The following KYAT3 variants were observed in gnomAD, a reference collection of about 807,000 sequenced individuals.
KYAT3 encodes kynurenine aminotransferase 3, also known as kynurenine--oxoglutarate transaminase 3.
A neutral mutation model predicts 59.0 loss-of-function variants in KYAT3; 50 were observed. That is an observed-to-expected ratio of 0.85 (90% CI 0.68 to 1.07). The LOEUF is 1.07. Among genes scored for constraint, KYAT3 ranks in the 50% least tolerant of loss-of-function variants. The probability of loss-of-function intolerance (pLI) is 0.00; values close to 1 mark genes in which losing one functional copy is unlikely to be tolerated. For missense variants in KYAT3, 497 were observed against 533.3 expected (o/e 0.93, Z 0.67); for synonymous variants, 148 against 177.0 (o/e 0.84, Z 1.30).
At chr1:88,953,182 A>C (rs761112298) in intron 9 of KYAT3, 30 bp from the exon 10 acceptor site, 3 of 1,445,236 alleles carry the variant, frequency 2.1e-6, no homozygotes, top group East Asian at 2.3e-5. Context: ...AAGATTTCAG[A>C]AAATCTAATT....
At position 88,968,787 on chromosome 1, in the gene KYAT3, G is replaced by T; in HGVS notation, c.186C>A (p.Asp62Glu). 2 of 1,586,724 alleles carry T rather than the reference G, an allele frequency of 1.3e-6. No individual in the cohort carries two copies. Among genetic ancestry groups the T allele is most frequent in the Non-Finnish European group, 1.7e-6 (2 of 1,172,948 alleles). The change falls in exon 4 of 14, where the codon GAC becomes GAA. Residue 62 changes from aspartate to glutamate, a missense_variant. Asp to Glu is a conservative substitution (Grantham distance 45). This residue lies in a region of KYAT3 where 469 missense variants were observed against 479.1 expected (regional missense o/e 0.98). Transcript: ENST00000260508. ...CTTGGCCAAGATTCACAACAGAAGG[G>T]TCTGCAGCCAATTTGGTAAATTCAA... ...VWIEFTKLAA[D>E]PSVVNLGQGF... is the part of the protein sequence containing the mutation.
chr1:88,990,069 C>T (rs1293195607), intron 1 of KYAT3, among the ~76,000 whole-genome samples: 1 of 152,108 alleles, frequency 6.6e-6, no homozygotes, highest in Non-Finnish European at 1.5e-5. Context: ...TTCCTCAGTC[C>T]AAGCAGATTG....
chr1:88,987,769 C>T (rs952096441), intron 2 of KYAT3, among the ~76,000 whole-genome samples: 3 of 152,156 alleles, frequency 2.0e-5, no homozygotes, highest in Non-Finnish European at 2.9e-5. Context: ...CATTACCACA[C>T]CTCACCAACA....
At chr1:88,952,998 G>T in intron 10 of KYAT3, 65 bp downstream of exon 10, 1 of 955,448 alleles carries the variant, frequency 1.0e-6, no homozygotes, top group Non-Finnish European at 1.7e-6. Context: ...ATTCAAATAT[G>T]CAATATAAAA....
At chr1:88,946,836 A>T (rs1557682741) in intron 11 of KYAT3, among the ~76,000 whole-genome samples, 2 of 152,196 alleles carry the variant, frequency 1.3e-5, no homozygotes, top group Non-Finnish European at 1.5e-5. Flanking sequence ...TTTGCTTGTC[A>T]AAGCCTCTTC....
At chr1:88,981,525 TAATC>T (rs1677089512) in intron 2 of KYAT3, 3 of 156,000 alleles carry the variant, frequency 1.9e-5, no homozygotes, top group South Asian at 4.1e-4. Flanking sequence ...TTATGAGTGT[TAATC>T]AACACTGATG....
downstream of KYAT3, among the ~76,000 whole-genome samples, chr1:88,934,254 A>G (rs190662654): frequency 2.6e-5 from 4 of 152,246 alleles, no homozygotes; most frequent in East Asian, 7.7e-4. Context: ...CAGGAGTTTG[A>G]GACCAGGCTG....
chr1:88,984,993 T>C (rs955858022), intron 2 of KYAT3, among the ~76,000 whole-genome samples: 6 of 152,282 alleles, frequency 3.9e-5, no homozygotes, highest in African/African-American at 1.4e-4. Flanking sequence ...CATGTTCATT[T>C]TTATATTTGT....
chr1:88,960,635 G>T (rs532555976), intron 8 of KYAT3, among the ~76,000 whole-genome samples: 1 of 152,116 alleles, frequency 6.6e-6, no homozygotes, highest in South Asian at 2.1e-4. Flanking sequence ...AGGGAGGTGC[G>T]AAGACCCAAA....
downstream of KYAT3, among the ~76,000 whole-genome samples, chr1:88,930,829 G>A (rs1332184793): frequency 6.6e-6 from 1 of 152,064 alleles, no homozygotes; most frequent in East Asian, 1.9e-4. Context: ...CTAAAGAGGT[G>A]GCAGTCTTAC....
At position 88,936,278 on chromosome 1, in the gene KYAT3, A is replaced by T. The variant is rs761184356; in HGVS notation, c.1303-33T>A. 12 of 1,392,118 alleles carry T rather than the reference A, an allele frequency of 8.6e-6. No individual in the cohort carries two copies. The East Asian group carries it at 2.5e-4, about 30-fold the overall frequency. 86.2% of individuals were successfully genotyped at this position (1,392,118 alleles called of 1,614,324 possible). On this transcript the variant is annotated intron_variant, in intron 13 of 13. Transcript: ENST00000260508. ...TTAATGAAATAATCATCATTATTACAGATATACATAAATTCAAGATGAAGC... is the reference window on the plus strand; with the variant it reads ...TTAATGAAATAATCATCATTATTACTGATATACATAAATTCAAGATGAAGC...
At chr1:88,946,470 T>C (rs1675446329) in intron 11 of KYAT3, among the ~76,000 whole-genome samples, 1 of 152,186 alleles carries the variant, frequency 6.6e-6, no homozygotes, top group Admixed American at 6.5e-5. Flanking sequence ...CCATGTATCA[T>C]TGATTTTTGA....
chr1:88,949,176 C>G lies in KYAT3; in HGVS notation c.1056G>C (p.Arg352=), dbSNP rs570426520. The G allele has an allele frequency of 3.4e-5, 55 of 1,611,002 alleles. 1 individual carries two copies. The South Asian group carries it at 5.9e-4, about 17-fold the overall frequency. ...LPKELEVKRD[R]MVRLLESVGL... ...CAACACTTTCAAGTAAACGTACCAT[C>G]CGATCTCTTTTTACTTCTAACTCTT... The change falls in exon 11 of 14, where the codon CGG becomes CGC. Residue 352 remains arginine, a synonymous_variant. Transcript: ENST00000260508.
chr1:88,926,053 C>A, the KYAT3 span, among the ~76,000 whole-genome samples: 2 of 152,182 alleles, frequency 1.3e-5, no homozygotes, highest in Admixed American at 6.5e-5. Context: ...GTAGCAGCAA[C>A]TGCTTTGCTA....
At chr1:88,979,483 T>A (rs1676966591) in intron 2 of KYAT3, 1 of 152,176 alleles carries the variant, frequency 6.6e-6, no homozygotes, top group African/African-American at 2.4e-5. Context: ...TAATACAGTA[T>A]ATATAAAGAA....
In KYAT3 at chr1:88,979,042, C is replaced by T. The variant is rs144532852; in HGVS notation, c.99+9210G>A. On this transcript the variant is annotated intron_variant, in intron 2 of 13. Transcript: ENST00000260508. ...AGTGCATAAGATGCCTTAGAAGCTC[C>T]GAAGCTATAGTAATCAGATCTCTTA... Among the ~76,000 whole-genome samples, 25 of 152,084 alleles carry T rather than the reference C, an allele frequency of 1.6e-4. No homozygotes were observed. The East Asian group carries it at 4.1e-3, about 25-fold the overall frequency.
rs114622219 is a variant in KYAT3, at chr1:88,936,348, G to C, written c.1303-103C>G. The stretch of plus-strand genomic sequence containing the variant: ...ATAATGAAGATTTAAGTGAATATCT[G>C]ATCTCAAGTGAAGAAAAATTTTCAA... On this transcript the variant is annotated intron_variant, in intron 13 of 13. Coordinates refer to ENST00000260508, the MANE Select transcript of KYAT3 (RefSeq NM_001008661.3). 987 of 867,088 alleles carry C rather than the reference G, an allele frequency of 1.1e-3. 3 individuals are homozygous for C. In the African/African-American group the frequency reaches 0.014, roughly 12 times the overall value. 53.7% of individuals were successfully genotyped at this position (867,088 alleles called of 1,614,324 possible). A position where few individuals can be genotyped will look rare whatever the true frequency, so the allele number is the denominator to read the frequency against.
At chr1:88,978,844 GA>G (rs1343737220) in intron 2 of KYAT3, among the ~76,000 whole-genome samples, 3 of 150,536 alleles carry the variant, frequency 2.0e-5, no homozygotes, top group African/African-American at 7.3e-5. Context: ...TTCATTTGTA[GA>G]GAGGGTCTTG....
chr1:88,946,405 C>T (rs1570778908), intron 11 of KYAT3, among the ~76,000 whole-genome samples: 2 of 152,010 alleles, frequency 1.3e-5, no homozygotes, highest in East Asian at 3.9e-4. Flanking sequence ...TCAAGCAATC[C>T]TCCCGCCTTG....
Sources: gnomAD v4.1 joint callset for allele counts (sites outside exome capture counted in the v4.1 genomes callset) on GRCh38, gnomAD v4.1.1 for gene constraint, gnomAD v4.1.1 regional missense constraint, MANE v1.5 for transcripts, NCBI Gene and HGNC (gene_info 2026-07-23, HGNC 2026-07-21) for gene names.